Variants in ZNF423 observed in about 807,000 individuals in gnomAD.
ZNF423 encodes zinc finger protein 423.
Under a neutral mutation model 95.8 loss-of-function variants are expected in ZNF423, and 12 were observed. That is an observed-to-expected ratio of 0.13 (90% CI 0.08 to 0.20). The LOEUF (loss-of-function observed/expected upper bound fraction) is 0.20, where lower values mean the gene tolerates loss of function less well. ZNF423 is among the 10% of genes least tolerant of loss of function. The pLI, the probability that ZNF423 is intolerant of heterozygous loss-of-function variation, is 1.00. For synonymous variants in ZNF423, 749 were observed against 711.9 expected, an observed-to-expected ratio of 1.05 and a Z score of -0.83; for missense variants, 1,316 against 1,737.1, an observed-to-expected ratio of 0.76 and a Z score of 4.31.
At chr16:49,851,700 C>T (rs889330049) in intron 1 of ZNF423, among the ~76,000 whole-genome samples, 1 of 152,200 alleles carries the variant, frequency 6.6e-6, no homozygotes, top group African/African-American at 2.4e-5. Context: ...TGAATGCACG[C>T]TAGGCACCTC....
chr16:49,527,036 C>T (rs778653840), intron 5 of ZNF423, among the ~76,000 whole-genome samples: 2 of 152,218 alleles, frequency 1.3e-5, no homozygotes, highest in African/African-American at 4.8e-5. Context: ...GGTGGCAAGA[C>T]ATGAACACAG....
chr16:49,720,987 A>G (rs1339482355), intron 3 of ZNF423, among the ~76,000 whole-genome samples: 2 of 152,262 alleles, frequency 1.3e-5, no homozygotes, highest in Non-Finnish European at 2.9e-5. Flanking sequence ...GGCAATGGTA[A>G]GAGGCTGCTC....
At chr16:49,702,374 G>A (rs1022845005) in intron 3 of ZNF423, among the ~76,000 whole-genome samples, 4 of 152,208 alleles carry the variant, frequency 2.6e-5, no homozygotes, top group South Asian at 2.1e-4. Context: ...CCCCTCTGCC[G>A]AGGAGCCACT....
chr16:49,747,321 A>AG (rs1053258781), intron 2 of ZNF423, among the ~76,000 whole-genome samples: 4 of 100,330 alleles, frequency 4.0e-5, no homozygotes, highest in African/African-American at 4.9e-5. Context: ...ATGTTGAGAG[A>AG]GGGAAAAAAA....
At chr16:49,769,369 A>G (rs2033989569) in intron 2 of ZNF423, among the ~76,000 whole-genome samples, 2 of 81,820 alleles carry the variant, frequency 2.4e-5, no homozygotes, top group Admixed American at 2.8e-4. Flanking sequence ...AAAAAAAGAA[A>G]AAAAGAAAAG....
At chr16:49,769,320 A>C (rs1596988907) in intron 2 of ZNF423, among the ~76,000 whole-genome samples, 1 of 151,246 alleles carries the variant, frequency 6.6e-6, no homozygotes, top group Non-Finnish European at 1.5e-5. Context: ...GCGCCAATGC[A>C]CTCCAGCCTG....
At chr16:49,505,978 T>C (rs1380684658) in intron 7 of ZNF423, among the ~76,000 whole-genome samples, 1 of 152,226 alleles carries the variant, frequency 6.6e-6, no homozygotes, top group East Asian at 1.9e-4. Flanking sequence ...TCACTGGTTT[T>C]CATAATGCAA....
At chr16:49,850,169 G>C (rs1465952802) in intron 1 of ZNF423, among the ~76,000 whole-genome samples, 1 of 152,160 alleles carries the variant, frequency 6.6e-6, no homozygotes, top group Admixed American at 6.5e-5. Context: ...ATCCTGGCAG[G>C]TAAGCTATGA....
chr16:49,724,963 A>G (rs2032969097), intron 3 of ZNF423, among the ~76,000 whole-genome samples: 1 of 152,142 alleles, frequency 6.6e-6, no homozygotes, highest in Non-Finnish European at 1.5e-5. Context: ...TCTGGAGTTT[A>G]GTTTGAAATT....
chr16:49,738,812 G>A (rs2033349835), intron 2 of ZNF423, among the ~76,000 whole-genome samples: 1 of 151,940 alleles, frequency 6.6e-6, no homozygotes, highest in African/African-American at 2.4e-5. Context: ...ATTTGGATGG[G>A]AGACCATACC....
At chr16:49,598,486 T>G (rs746117584) in intron 5 of ZNF423, among the ~76,000 whole-genome samples, 24 of 152,226 alleles carry the variant, frequency 1.6e-4, no homozygotes, top group Non-Finnish European at 2.1e-4. Flanking sequence ...GGGAAACAGG[T>G]GTCAGGCCAG....
At chr16:49,557,914 G>A (rs1440102967) in intron 5 of ZNF423, among the ~76,000 whole-genome samples, 1 of 152,110 alleles carries the variant, frequency 6.6e-6, no homozygotes, top group Non-Finnish European at 1.5e-5. Context: ...GGCACCTGGG[G>A]CCCCCAAAGC....
At chr16:49,660,231 G>C (rs1355826806) in intron 3 of ZNF423, among the ~76,000 whole-genome samples, 1 of 152,128 alleles carries the variant, frequency 6.6e-6, no homozygotes, top group Non-Finnish European at 1.5e-5. Flanking sequence ...ATGGATGAAA[G>C]GGTACCTGGC....
At chr16:49,755,192 G>A (rs955421504) in intron 2 of ZNF423, among the ~76,000 whole-genome samples, 3 of 152,180 alleles carry the variant, frequency 2.0e-5, no homozygotes, top group Non-Finnish European at 2.9e-5. Context: ...GACCCCAGGA[G>A]GGGTCTCGGA....
At chr16:49,741,474 T>C (rs959976441) in intron 2 of ZNF423, among the ~76,000 whole-genome samples, 3 of 151,326 alleles carry the variant, frequency 2.0e-5, no homozygotes, top group African/African-American at 7.3e-5. Context: ...ACCACTGCAC[T>C]CCAGCCTGGG....
At chr16:49,786,330 G>C (rs951996932) in intron 2 of ZNF423, among the ~76,000 whole-genome samples, 11 of 152,214 alleles carry the variant, frequency 7.2e-5, no homozygotes, top group African/African-American at 2.4e-4. Context: ...GGGAGGCCAG[G>C]GGTGAGTGAA....
chr16:49,676,122 A>G (rs935316755), intron 3 of ZNF423, among the ~76,000 whole-genome samples: 2 of 152,250 alleles, frequency 1.3e-5, no homozygotes, highest in Admixed American at 6.5e-5. Context: ...GAATAAATAA[A>G]TGAATCCACT....
chr16:49,829,332 T>C (rs1298029597), intron 1 of ZNF423, among the ~76,000 whole-genome samples: 1 of 152,194 alleles, frequency 6.6e-6, no homozygotes, highest in Admixed American at 6.5e-5. Flanking sequence ...CACTATCTCA[T>C]GGACAGAGGG....
intron 2 of ZNF423, among the ~76,000 whole-genome samples, chr16:49,763,994 G>A (rs2143659138): frequency 6.6e-6 from 1 of 152,310 alleles, no homozygotes; most frequent in East Asian, 1.9e-4. Flanking sequence ...TCACGGCTGA[G>A]GCAGCCTGCT....
Sources: gnomAD v4.1 joint callset for allele counts (sites outside exome capture counted in the v4.1 genomes callset) on GRCh38, gnomAD v4.1.1 for gene constraint, MANE v1.5 for transcripts, NCBI Gene and HGNC (gene_info 2026-07-23, HGNC 2026-07-21) for gene names.